TMEM230: variants seen among roughly 807,000 people sequenced by gnomAD.
TMEM230 encodes UPF0414 transmembrane protein C20orf30.
In TMEM230, 10 loss-of-function variants were observed where a neutral mutation model predicts 15.8. The observed-to-expected ratio is 0.63, with a 90% CI of 0.39 to 1.07. The LOEUF (loss-of-function observed/expected upper bound fraction) is 1.07. Ranked by LOEUF, TMEM230 falls within the 50% of genes least tolerant of loss-of-function variation. The pLI, the probability that TMEM230 is intolerant of heterozygous loss-of-function variation, is 0.01. For synonymous variants in TMEM230, 67 were observed against 76.9 expected, an observed-to-expected ratio of 0.87 and a Z score of 0.68; for missense variants, 165 against 193.3, an observed-to-expected ratio of 0.85 and a Z score of 0.87.
At chr20:5,081,670 G>C (rs560908622) in intron 3 of TMEM230, among the ~76,000 whole-genome samples, 33 of 152,170 alleles carry the variant, frequency 2.2e-4, no homozygotes, top group African/African-American at 7.7e-4. Context: ...AGTACCCAAA[G>C]CCTAGACAAA....
intron 3 of TMEM230, among the ~76,000 whole-genome samples, chr20:5,086,024 T>C (rs78684405): frequency 0.02 from 3,011 of 152,238 alleles, 96 homozygotes; most frequent in African/African-American, 0.068. Context: ...TCCTTGAACT[T>C]CCACTTTTAT....
intron 3 of TMEM230, among the ~76,000 whole-genome samples, chr20:5,084,141 T>A (rs1160201042): frequency 2.0e-5 from 3 of 152,168 alleles, no homozygotes; most frequent in Non-Finnish European, 4.4e-5. Context: ...GTTAATTCAT[T>A]TAGGATAATG....
chr20:5,060,523 G>A, the TMEM230 span, among the ~76,000 whole-genome samples: 6 of 151,746 alleles, frequency 4.0e-5, no homozygotes, highest in Non-Finnish European at 8.8e-5. Context: ...TTTCAGTAGA[G>A]GCAGGATTTC....
At chr20:5,077,245 C>T (rs1424672495) in intron 3 of TMEM230, among the ~76,000 whole-genome samples, 1 of 151,868 alleles carries the variant, frequency 6.6e-6, no homozygotes, top group Non-Finnish European at 1.5e-5. Context: ...AAAGTAGAGG[C>T]TGCAGTGAGC....
In TMEM230 at chr20:5,107,163, G is replaced by A. The variant is rs140806834; in HGVS notation, c.289-853C>T. On this transcript the variant is annotated intron_variant, in intron 3 of 4. Coordinates refer to ENST00000342308, the MANE Select transcript of TMEM230 (RefSeq NM_001009923.2). ...CAAAAAATACAAAAATTAGCCGGGC[G>A]TGGTGGCATGTGCCTGCAGTCCCGG... Among the ~76,000 whole-genome samples the A allele has an allele frequency of 2.2e-3, 328 of 152,284 alleles. 2 individuals carry two copies. The highest frequency in any genetic ancestry group is 6.5e-3 in the African/African-American group (271 of 41,574).
chr20:5,107,024 A>G (rs2090120640), intron 3 of TMEM230, among the ~76,000 whole-genome samples: 1 of 152,156 alleles, frequency 6.6e-6, no homozygotes, highest in Middle Eastern at 3.2e-3. Flanking sequence ...ACTTTAAAAC[A>G]GGGAGGAGAG....
intron 3 of TMEM230, among the ~76,000 whole-genome samples, chr20:5,092,414 TACACACGTTA>T (rs1470332424): frequency 6.6e-6 from 1 of 152,078 alleles, no homozygotes; most frequent in Non-Finnish European, 1.5e-5. Flanking sequence ...GTAAATGTAA[TACACACGTTA>T]AGAGAAAGGC....
At chr20:5,097,224 T>C (rs529827623), downstream of TMEM230, among the ~76,000 whole-genome samples, 16 of 152,336 alleles carry the variant, frequency 1.1e-4, no homozygotes, top group South Asian at 3.3e-3. Context: ...TTTCCTGTTG[T>C]ACCTCCAGCA....
At chr20:5,094,199 C>T (rs1004587865) in intron 3 of TMEM230, among the ~76,000 whole-genome samples, 4 of 145,628 alleles carry the variant, frequency 2.7e-5, no homozygotes, top group African/African-American at 5.1e-5. Context: ...CCTCATGATC[C>T]GCCTGCCTCG....
intron 4 of TMEM230, among the ~76,000 whole-genome samples, chr20:5,104,339 C>T (rs757809040): frequency 6.6e-6 from 1 of 152,146 alleles, no homozygotes; most frequent in African/African-American, 2.4e-5. Flanking sequence ...GGACTACAGG[C>T]GTGAGCCACT....
At chr20:5,076,673 ATTCTTTTTT>A (rs1233170593) in intron 3 of TMEM230, among the ~76,000 whole-genome samples, 6 of 138,024 alleles carry the variant, frequency 4.3e-5, no homozygotes, top group African/African-American at 1.8e-4. Flanking sequence ...TTGGATTGAT[ATTCTTTTTT>A]TTTTTTTTTT....
chr20:5,087,883 G>C (rs1429191398), intron 3 of TMEM230, among the ~76,000 whole-genome samples: 2 of 149,490 alleles, frequency 1.3e-5, no homozygotes, highest in South Asian at 4.3e-4. Flanking sequence ...AGTAGAGATG[G>C]GGTTTCAACA....
At chr20:5,079,596 T>TC (rs1271988383) in intron 3 of TMEM230, among the ~76,000 whole-genome samples, 1 of 152,180 alleles carries the variant, frequency 6.6e-6, no homozygotes, top group Non-Finnish European at 1.5e-5. Context: ...CAAGTCATCT[T>TC]CCCACCTCAG....
At chr20:5,084,062 C>T (rs930713258) in intron 3 of TMEM230, among the ~76,000 whole-genome samples, 1 of 152,184 alleles carries the variant, frequency 6.6e-6, no homozygotes. Context: ...TTTGTACCCA[C>T]GTGTGCTGAA....
At chr20:5,070,870 G>A (rs1020933921) in intron 3 of TMEM230, among the ~76,000 whole-genome samples, 2 of 152,066 alleles carry the variant, frequency 1.3e-5, no homozygotes, top group Admixed American at 6.6e-5. Flanking sequence ...GCACTCAAGC[G>A]ATCCTCTCAC....
chr20:5,074,052 A>C (rs942465560), intron 3 of TMEM230, among the ~76,000 whole-genome samples: 7 of 152,144 alleles, frequency 4.6e-5, no homozygotes, highest in African/African-American at 1.7e-4. Context: ...TTGCACAACC[A>C]GATCTTGCCT....
chr20:5,089,307 G>A (rs367990278), intron 3 of TMEM230, among the ~76,000 whole-genome samples: 2 of 152,114 alleles, frequency 1.3e-5, no homozygotes, highest in East Asian at 1.9e-4. Context: ...CCTGGGAGGC[G>A]GGGGTTGCAG....
chr20:5,085,997 T>C (rs2089325961), intron 3 of TMEM230, among the ~76,000 whole-genome samples: 1 of 152,190 alleles, frequency 6.6e-6, no homozygotes, highest in African/African-American at 2.4e-5. Context: ...GTCATGCTTC[T>C]TGACTTGGGT....
intron 3 of TMEM230, among the ~76,000 whole-genome samples, chr20:5,090,366 CGA>C (rs770147817): frequency 1.3e-5 from 2 of 151,996 alleles, no homozygotes; most frequent in Non-Finnish European, 2.9e-5. Context: ...CTACAAGCAT[CGA>C]GAGAGAAAAA....
Sources: allele counts gnomAD v4.1 joint callset (sites outside exome capture counted in the v4.1 genomes callset), GRCh38; gene constraint gnomAD v4.1.1; transcripts MANE v1.5; gene names NCBI Gene and HGNC (gene_info 2026-07-23, HGNC 2026-07-21).